The following KCNN2 variants were observed in gnomAD, a reference collection of about 807,000 sequenced individuals.
The protein encoded by KCNN2 is potassium calcium-activated channel subfamily N member 2.
In KCNN2, 24 loss-of-function variants were observed where a neutral mutation model predicts 55.5. The observed-to-expected ratio is 0.43, with a 90% CI of 0.31 to 0.61. The LOEUF (loss-of-function observed/expected upper bound fraction) is 0.61. KCNN2 is among the 20% of genes least tolerant of loss of function. KCNN2 has a pLI of 0.08. For synonymous variants in KCNN2, 431 were observed against 336.1 expected (o/e 1.28, Z -3.09); for missense variants, 754 against 853.6 (o/e 0.88, Z 1.45).
intron 1 of KCNN2, among the ~76,000 whole-genome samples, chr5:114,177,419 G>C (rs1431148232): frequency 6.6e-6 from 1 of 152,020 alleles, no homozygotes; most frequent in Non-Finnish European, 1.5e-5. Context: ...TTACAGGAGT[G>C]GGCCACGGCA....
chr5:114,471,706 C>CACTT (rs985017831), intron 4 of KCNN2, among the ~76,000 whole-genome samples: 3 of 152,280 alleles, frequency 2.0e-5, no homozygotes, highest in African/African-American at 4.8e-5. Flanking sequence ...TGATCAGTAG[C>CACTT]ACTTTCTTTC....
chr5:114,325,582 A>C (rs935489487), intron 2 of KCNN2, among the ~76,000 whole-genome samples: 1 of 152,218 alleles, frequency 6.6e-6, no homozygotes, highest in South Asian at 2.1e-4. Context: ...TAAAAGCCTT[A>C]ATCGTCAGCC....
chr5:114,406,228 A>C (rs562530458), intron 3 of KCNN2, among the ~76,000 whole-genome samples: 1 of 151,996 alleles, frequency 6.6e-6, no homozygotes, highest in African/African-American at 2.4e-5. Context: ...TTGTATTTTA[A>C]ATACAAAAAT....
intron 3 of KCNN2, among the ~76,000 whole-genome samples, chr5:114,451,486 C>T (rs1291783548): frequency 1.3e-5 from 2 of 152,006 alleles, no homozygotes; most frequent in Non-Finnish European, 2.9e-5. Context: ...TGACATTTTT[C>T]TCAATGAAAA....
intron 2 of KCNN2, among the ~76,000 whole-genome samples, chr5:114,232,462 C>CATTAATAAAGCT (rs1754381938): frequency 6.6e-6 from 1 of 150,878 alleles, no homozygotes; most frequent in Non-Finnish European, 1.5e-5. Context: ...TTGCGTTTTG[C>CATTAATAAAGCT]CTTCCAGTCT....
At chr5:114,440,808 GT>G (rs1372918979) in intron 3 of KCNN2, among the ~76,000 whole-genome samples, 1 of 136,032 alleles carries the variant, frequency 7.4e-6, no homozygotes, top group Non-Finnish European at 1.6e-5. Context: ...AGAAAAATGT[GT>G]AGTATGAAGG....
chr5:114,281,071 C>G (rs371862147), intron 2 of KCNN2, among the ~76,000 whole-genome samples: 12 of 152,254 alleles, frequency 7.9e-5, no homozygotes, highest in African/African-American at 2.9e-4. Flanking sequence ...CAAATACCTC[C>G]TTAGAGAAGT....
intron 1 of KCNN2, among the ~76,000 whole-genome samples, chr5:114,130,184 T>A (rs957448409): frequency 1.4e-4 from 21 of 152,238 alleles, no homozygotes; most frequent in African/African-American, 5.1e-4. Flanking sequence ...TTAATTGTTT[T>A]ACAAGCTATT....
intron 5 of KCNN2, among the ~76,000 whole-genome samples, chr5:114,484,097 T>C (rs977453837): frequency 6.6e-6 from 1 of 152,184 alleles, no homozygotes; most frequent in Non-Finnish European, 1.5e-5. Context: ...GAAGTTTTTA[T>C]GTATAAATTA....
chr5:114,493,890 A>C (rs1747981697), intron 7 of KCNN2, among the ~76,000 whole-genome samples: 1 of 152,156 alleles, frequency 6.6e-6, no homozygotes, highest in African/African-American at 2.4e-5. Flanking sequence ...AACTCAAAAG[A>C]ATGTAAAGTT....
intron 2 of KCNN2, among the ~76,000 whole-genome samples, chr5:114,351,230 A>C (rs899795271): frequency 3.3e-5 from 5 of 151,576 alleles, no homozygotes; most frequent in Admixed American, 1.3e-4. Flanking sequence ...ATCATTTTGA[A>C]ATTTCATTTT....
intron 1 of KCNN2, among the ~76,000 whole-genome samples, chr5:114,080,949 A>G (rs1487901508): frequency 6.6e-6 from 1 of 152,186 alleles, no homozygotes; most frequent in Non-Finnish European, 1.5e-5. Flanking sequence ...TTCCGCACAA[A>G]ACACTGTTAG....
chr5:114,078,289 G>A (rs978572213), intron 1 of KCNN2, among the ~76,000 whole-genome samples: 26 of 152,084 alleles, frequency 1.7e-4, no homozygotes, highest in Admixed American at 5.2e-4. Context: ...GACCAACAAA[G>A]CAATGACCTT....
chr5:114,273,811 T>A (rs1755423948), intron 2 of KCNN2, among the ~76,000 whole-genome samples: 1 of 152,206 alleles, frequency 6.6e-6, no homozygotes, highest in Non-Finnish European at 1.5e-5. Flanking sequence ...CTGTTCACTC[T>A]GGTGATAGTT....
rs376961623 is a variant in KCNN2 at position 114,434,877 on chromosome 5, A to T, written c.1638-28172A>T. ...TGTAATTGGGTATTTCCCTTTTCCC[A>T]AGTGTTTTAGGCTCTGGTGAAACCC... On this transcript the variant is annotated intron_variant, in intron 3 of 7. Transcript: ENST00000673685. Among the ~76,000 whole-genome samples the T allele has an allele frequency of 7.9e-4, 121 of 152,276 alleles. No homozygotes were observed. In the South Asian group the frequency reaches 9.7e-3, roughly 12 times the overall value.
chr5:114,058,184 A>G (rs1397604883), intron 1 of KCNN2, among the ~76,000 whole-genome samples: 1 of 152,202 alleles, frequency 6.6e-6, no homozygotes, highest in Non-Finnish European at 1.5e-5. Context: ...TGATGAATAC[A>G]AGCTCAATAA....
intron 4 of KCNN2, among the ~76,000 whole-genome samples, chr5:114,463,738 A>G (rs1183345288): frequency 1.3e-5 from 2 of 152,210 alleles, no homozygotes; most frequent in Non-Finnish European, 2.9e-5. Context: ...TTTAAAAATA[A>G]TAAATAATGG....
chr5:114,285,987 T>G (rs1020508876), intron 2 of KCNN2, among the ~76,000 whole-genome samples: 1 of 150,814 alleles, frequency 6.6e-6, no homozygotes, highest in Non-Finnish European at 1.5e-5. Flanking sequence ...TGGCATGATC[T>G]CGACTCACAG....
At chr5:114,072,200 A>T (rs1490932929) in intron 1 of KCNN2, among the ~76,000 whole-genome samples, 1 of 152,026 alleles carries the variant, frequency 6.6e-6, no homozygotes, top group Admixed American at 6.5e-5. Context: ...GCTGAGGCAG[A>T]AGAATTGCTG....
Sources: allele counts gnomAD v4.1 joint callset (sites outside exome capture counted in the v4.1 genomes callset), GRCh38; gene constraint gnomAD v4.1.1; transcripts MANE v1.5; gene names NCBI Gene and HGNC (gene_info 2026-07-23, HGNC 2026-07-21).